The following COL20A1 variants were observed in gnomAD, a reference collection of about 807,000 sequenced individuals.
COL20A1 encodes the protein collagen alpha-1(XX) chain.
A neutral mutation model predicts 152.9 loss-of-function variants in COL20A1; 164 were observed. That is an observed-to-expected ratio of 1.07 (90% CI 0.94 to 1.22). The LOEUF is 1.22. COL20A1 is among the 50% of genes most tolerant of loss of function. The probability of loss-of-function intolerance (pLI) is 0.00; values close to 1 mark genes in which losing one functional copy is unlikely to be tolerated. For missense variants in COL20A1, 1,873 were observed against 1,744.8 expected (o/e 1.07, Z -1.31); for synonymous variants, 864 against 756.0 (o/e 1.14, Z -2.34).
intron 29 of COL20A1, 71 bp downstream of exon 29, chr20:63,325,792 A>T: frequency 7.2e-7 from 1 of 1,395,806 alleles, no homozygotes; most frequent in Non-Finnish European, 1.0e-6. Context: ...GGCCTTGGAG[A>T]TGGAGGCTGT....
chr20:63,325,596 G>A lies in COL20A1; in HGVS notation c.3349-72G>A, dbSNP rs773546455. 239 of 1,556,134 alleles carry A rather than the reference G, an allele frequency of 1.5e-4. 1 individual carries two copies. Among genetic ancestry groups the A allele is most frequent in the Non-Finnish European group, 3.1e-5 (35 of 1,134,726 alleles). Reference sequence around the variant, plus strand: ...TGGGGGGCACAGGGGTTGGGGGTGAGGCCTCACAGGCAGGGCCACCTCTGG... The same window carrying A: ...TGGGGGGCACAGGGGTTGGGGGTGAAGCCTCACAGGCAGGGCCACCTCTGG... On this transcript the variant is annotated intron_variant, in intron 28 of 35. Transcript: ENST00000358894.
At chr20:63,316,466 C>A (rs1217777481) in intron 20 of COL20A1, 87 bp from the exon 21 acceptor site, 2 of 1,187,184 alleles carry the variant, frequency 1.7e-6, no homozygotes, top group African/African-American at 1.6e-5. Flanking sequence ...CCCTGGGTCC[C>A]TCTTGAGTCC....
At chr20:63,325,764 A>G in intron 29 of COL20A1, 43 bp downstream of exon 29, 1 of 1,575,688 alleles carries the variant, frequency 6.3e-7, no homozygotes, top group Non-Finnish European at 8.7e-7. Flanking sequence ...GGTGGTAGAG[A>G]CTGGCCTGGG....
chr20:63,304,035 G>A (rs1480842624), intron 3 of COL20A1, among the ~76,000 whole-genome samples: 1 of 140,762 alleles, frequency 7.1e-6, no homozygotes, highest in Non-Finnish European at 1.5e-5. Context: ...GTGCAGGTGT[G>A]GGTTCCTCCC....
chr20:63,315,341 G>T, intron 19 of COL20A1, 63 bp from the exon 20 acceptor site: 1 of 1,495,166 alleles, frequency 6.7e-7, no homozygotes, highest in Non-Finnish European at 9.1e-7. Flanking sequence ...CCTCCCCAGC[G>T]GTCTGTCAGG....
Position 63,311,394 on chromosome 20 carries a change from C to T in COL20A1, c.1394C>T (p.Ala465Val), listed in dbSNP as rs771699415. 15 of 1,580,412 alleles carry T rather than the reference C, an allele frequency of 9.5e-6. No individual in the cohort carries two copies. The highest frequency in any genetic ancestry group is 1.3e-5 in the Non-Finnish European group (15 of 1,164,548). Residue 465 changes from alanine (A) to valine (V), a missense_variant and splice_region_variant, in exon 12 of 36, where the codon GCA (alanine) becomes GTA (valine). Physicochemically the swap from Ala to Val is moderately conservative, Grantham distance 64. Coordinates refer to ENST00000358894, the MANE Select transcript of COL20A1 (RefSeq NM_020882.4). This position sits in a 1 kb window ranked among gnomAD's most constrained non-coding sequence, Gnocchi z 4.4. ...GEGLRGLVTT[A>V]PLPPPRALTL... ...AAAGTGTCCCTGCATGGCCCCCCAG[C>T]ACCTCTGCCTCCGCCCCGGGCGCTG...
Position 63,314,969 on chromosome 20 carries a change from C to T in COL20A1, c.2489-435C>T, listed in dbSNP as rs370278280. 1.2e-3 allele frequency among the ~76,000 whole-genome samples: 187 copies of T among 151,008 alleles called. 4 individuals carry two copies. The South Asian group carries it at 0.039, about 31-fold the overall frequency. On this transcript the variant is annotated intron_variant, in intron 19 of 35. Coordinates refer to ENST00000358894, the MANE Select transcript of COL20A1 (RefSeq NM_020882.4). The stretch of plus-strand genomic sequence containing the variant: ...ACCAGGCATCTCCCTGGCCCCAGGA[C>T]ACGTGTGTCCCCAGCCTGCCCGCAC...
At chr20:63,309,287 G>T in intron 8 of COL20A1, 46 bp from the exon 9 acceptor site, 1 of 1,365,816 alleles carries the variant, frequency 7.3e-7, no homozygotes, top group East Asian at 2.8e-5. Context: ...TGGCCCCGTC[G>T]GGTGACCCCA....
At chr20:63,297,695 G>T (rs2067815892) in intron 2 of COL20A1, among the ~76,000 whole-genome samples, 1 of 152,240 alleles carries the variant, frequency 6.6e-6, no homozygotes, top group African/African-American at 2.4e-5. Context: ...CCCGGGGAGG[G>T]CCGGGTTCTC....
rs75564844 is a variant in COL20A1, at chr20:63,334,562, C to G, written c.*3846C>G. 9 of 152,190 alleles carry G rather than the reference C, an allele frequency of 5.9e-5. No homozygotes were observed. Among genetic ancestry groups the G allele is most frequent in the African/African-American group, 1.7e-4 (7 of 41,426 alleles). The allele number at this position is 152,190 out of a possible 1,614,324, so 9.4% of individuals were successfully genotyped here. On this transcript the variant is annotated 3_prime_UTR_variant, in exon 36 of 36. Transcript: ENST00000358894. ...TCTTCTGAGTAGCAGGAACCACAGG[C>G]GTGCGCCACCACGCTTGGCTAATGT...
intron 15 of COL20A1, 47 bp downstream of exon 15, chr20:63,312,596 T>C: frequency 6.5e-7 from 1 of 1,531,314 alleles, no homozygotes; most frequent in African/African-American, 1.4e-5. Flanking sequence ...GGTTTCTGTG[T>C]CCTTCTGCCC....
At chr20:63,307,670 C>T (rs576032655) in intron 6 of COL20A1, 22 bp downstream of exon 6, 1 of 1,604,140 alleles carries the variant, frequency 6.2e-7, no homozygotes, top group African/African-American at 1.3e-5. Context: ...CCCGGCCCGC[C>T]TCCTGCCCCA....
Position 63,311,969 on chromosome 20 carries a change from G to T in COL20A1, c.1717G>T (p.Ala573Ser). Residue 573 changes from alanine (A) to serine (S), a missense_variant, in exon 14 of 36, where the codon GCA (alanine) becomes TCA (serine). Physicochemically the swap from Ala to Ser is moderately conservative, Grantham distance 99. Transcript: ENST00000358894. The surrounding 1 kb of genome is among the most constrained non-coding windows in gnomAD (Gnocchi z 4.4). ...CTTCTCAGACGTGAGCCACGACGCGGCACGAGTGTTCTGGGAGGGTGCCCC... is the reference window on the plus strand; with the variant it reads ...CTTCTCAGACGTGAGCCACGACGCGTCACGAGTGTTCTGGGAGGGTGCCCC... ...LGFSDVSHDA[A>S]RVFWEGAPRP... The T allele has an allele frequency of 6.3e-7, 1 of 1,598,610 alleles. No homozygotes were observed. The highest frequency in any genetic ancestry group is 1.1e-5 in the South Asian group (1 of 88,764).
chr20:63,313,629 T>TGTG lies in COL20A1; in HGVS notation c.2210-109_2210-107dup. 1 of 1,008,718 alleles carries TGTG rather than the reference T, an allele frequency of 9.9e-7. No individual in the cohort carries two copies. The allele number at this position is 1,008,718 out of a possible 1,614,324, so 62.5% of individuals were successfully genotyped here. ...GGGCTGTGGTAGGGGTGTGGCATGA[T>TGTG]GTGGTGGAGGCATTACGCAGAGCAG... On this transcript the variant is annotated intron_variant, in intron 17 of 35. Transcript: ENST00000358894. This position sits in a 1 kb window ranked among gnomAD's most constrained non-coding sequence, Gnocchi z 5.9.
rs2067933408 is a variant in COL20A1, at chr20:63,306,947, G to C, written c.497-543G>C. 6.6e-6 allele frequency among the ~76,000 whole-genome samples: 1 copy of C among 152,224 alleles called. No individual in the cohort carries two copies. Among genetic ancestry groups the C allele is most frequent in the African/African-American group, 2.4e-5 (1 of 41,478 alleles). The stretch of plus-strand genomic sequence containing the variant: ...CAGGGGAGTGTCCCCACCCATGCAG[G>C]CCTCAGGGCAGCTGGGCCTCTTCGG... On this transcript the variant is annotated intron_variant, in intron 5 of 35. Transcript: ENST00000358894. This position sits in a 1 kb window ranked among gnomAD's most constrained non-coding sequence, Gnocchi z 6.9.
chr20:63,327,312 GC>G, intron 31 of COL20A1: 1 of 175,182 alleles, frequency 5.7e-6, no homozygotes, highest in Non-Finnish European at 1.2e-5. Context: ...GTTGTTGGAG[GC>G]CTGTTCTGAG....
intron 34 of COL20A1, 101 bp downstream of exon 34, chr20:63,328,599 G>C: frequency 8.7e-7 from 1 of 1,144,406 alleles, no homozygotes; most frequent in Non-Finnish European, 1.2e-6. Context: ...CAGCACAGCA[G>C]CTCCTGCTGG....
Position 63,328,411 on chromosome 20 carries a change from A to T in COL20A1, c.3694A>T (p.Thr1232Ser), listed in dbSNP as rs766778651. 1.9e-6 allele frequency: 3 copies of T among 1,612,568 alleles called. No individual in the cohort carries two copies. Among genetic ancestry groups the T allele is most frequent in the Non-Finnish European group, 2.5e-6 (3 of 1,179,660 alleles). ...PILEQKLEPG[T>S]EPLGSPGTRS... ...CTTGGAGCAGAAGCTGGAGCCGGGC[A>T]CTGAGCCCCTGGGGTCCCCTGGCAC... The change falls in exon 34 of 36, where the codon ACT becomes TCT. Residue 1232 changes from threonine (T) to serine (S), a missense_variant. Thr to Ser is a moderately conservative substitution (Grantham distance 58). Coordinates refer to ENST00000358894, the MANE Select transcript of COL20A1 (RefSeq NM_020882.4).
At chr20:63,323,712 T>G (rs1396735508) in intron 27 of COL20A1, among the ~76,000 whole-genome samples, 1 of 152,218 alleles carries the variant, frequency 6.6e-6, no homozygotes, top group African/African-American at 2.4e-5. Flanking sequence ...CCCGTTGATG[T>G]GTCTGTTGTT....
Sources: allele counts gnomAD v4.1 joint callset (sites outside exome capture counted in the v4.1 genomes callset), GRCh38; gene constraint gnomAD v4.1.1; non-coding constraint Gnocchi (gnomAD v3.1); transcripts MANE v1.5; gene names NCBI Gene and HGNC (gene_info 2026-07-23, HGNC 2026-07-21).